Variants in PXDNL observed in about 807,000 individuals in gnomAD.
PXDNL encodes peroxidasin like.
In PXDNL, 145 loss-of-function variants were observed where a neutral mutation model predicts 150.8. The ratio of observed to expected loss-of-function variants is 0.96; its 90% CI spans 0.84 to 1.10. PXDNL has a LOEUF of 1.10. Among genes scored for constraint, PXDNL ranks in the 50% least tolerant of loss-of-function variants. The pLI is 0.00. For missense variants in PXDNL, 2,087 were observed against 1,873.9 expected (o/e 1.11, Z -2.10); for synonymous variants, 757 against 725.7 (o/e 1.04, Z -0.69).
rs71237237 is a variant in PXDNL at position 51,760,845 on chromosome 8, CTTTTTTTTTTTTTTTTT to C, written c.164+48319_164+48335del. ...GTTAGCCTGAAGGAAATCACTTAAA[CTTTTTTTTTTTTTTTTT>C]TTTTTTTTTTTTTTGAGACGGAGTC... On this transcript the variant is annotated intron_variant, in intron 1 of 22. Coordinates refer to ENST00000356297, the MANE Select transcript of PXDNL (RefSeq NM_144651.5). Among the ~76,000 whole-genome samples the C allele has an allele frequency of 3.7e-4, 17 of 45,492 alleles. No homozygotes were observed. In the South Asian group the frequency reaches 0.012, roughly 31 times the overall value. The allele number at this position is 45,492 out of a possible 152,430, so 29.8% of individuals were successfully genotyped here.
At chr8:51,717,719 G>A (rs1375657606) in intron 1 of PXDNL, among the ~76,000 whole-genome samples, 1 of 152,254 alleles carries the variant, frequency 6.6e-6, no homozygotes, top group Non-Finnish European at 1.5e-5. Flanking sequence ...GTGCCCATGA[G>A]TGGGGCCAGG....
intron 21 of PXDNL, among the ~76,000 whole-genome samples, chr8:51,328,855 T>A (rs1805595005): frequency 6.6e-6 from 1 of 152,084 alleles, no homozygotes; most frequent in Admixed American, 6.5e-5. Flanking sequence ...ATATCCTTCA[T>A]GAAAAACACC....
chr8:51,330,139 T>A (rs1354646577), intron 21 of PXDNL, among the ~76,000 whole-genome samples: 2 of 152,194 alleles, frequency 1.3e-5, no homozygotes, highest in African/African-American at 4.8e-5. Context: ...CTGCTTTTCT[T>A]AGTCCACCAA....
intron 1 of PXDNL, among the ~76,000 whole-genome samples, chr8:51,784,547 T>C (rs527396864): frequency 1.3e-5 from 2 of 152,326 alleles, no homozygotes; most frequent in South Asian, 4.1e-4. Context: ...GTCAGATATT[T>C]GAGTTGATGT....
chr8:51,702,854 G>A lies in PXDNL; in HGVS notation c.165-48094C>T, dbSNP rs373803239. On this transcript the variant is annotated intron_variant, in intron 1 of 22. Coordinates refer to ENST00000356297, the MANE Select transcript of PXDNL (RefSeq NM_144651.5). The stretch of plus-strand genomic sequence containing the variant: ...AATCAATCCAGAAATATATTGAAAC[G>A]CAGAAACAAAAGAAAACTTCCGGGG... Among the ~76,000 whole-genome samples the A allele has an allele frequency of 3.9e-4, 60 of 152,126 alleles. 1 individual carries two copies. In the East Asian group the frequency reaches 9.1e-3, roughly 23 times the overall value.
chr8:51,454,261 T>A (rs1809877948), intron 9 of PXDNL, among the ~76,000 whole-genome samples: 1 of 152,178 alleles, frequency 6.6e-6, no homozygotes, highest in African/African-American at 2.4e-5. Context: ...AGGTGAAAAT[T>A]ATGAGGAATA....
chr8:51,369,533 T>G (rs146020510), intron 19 of PXDNL, among the ~76,000 whole-genome samples: 32 of 152,204 alleles, frequency 2.1e-4, no homozygotes, highest in Non-Finnish European at 3.7e-4. Flanking sequence ...AATACACATG[T>G]ATCCATTTGT....
At chr8:51,626,465 C>A (rs1477768698) in intron 2 of PXDNL, among the ~76,000 whole-genome samples, 1 of 152,070 alleles carries the variant, frequency 6.6e-6, no homozygotes, top group East Asian at 1.9e-4. Context: ...TTGCAGAGGG[C>A]CCCTTCTTTC....
intron 17 of PXDNL, among the ~76,000 whole-genome samples, chr8:51,381,492 T>TTA (rs1186243680): frequency 6.6e-6 from 1 of 152,180 alleles, no homozygotes; most frequent in East Asian, 1.9e-4. Context: ...TGAAAAGATA[T>TTA]TAACATGGGG....
At chr8:51,764,786 C>A (rs1484310369) in intron 1 of PXDNL, among the ~76,000 whole-genome samples, 1 of 152,138 alleles carries the variant, frequency 6.6e-6, no homozygotes, top group Non-Finnish European at 1.5e-5. Context: ...CCTGCTGTAG[C>A]TGAATGGTGC....
intron 17 of PXDNL, among the ~76,000 whole-genome samples, chr8:51,376,987 G>A (rs2977004): frequency 0.7 from 106,690 of 151,820 alleles, 40,574 homozygotes; most frequent in East Asian, 0.95. Context: ...CAAAGTGCTG[G>A]GTTACAGGCG....
chr8:51,594,285 A>G (rs1186897833), intron 2 of PXDNL, among the ~76,000 whole-genome samples: 1 of 151,984 alleles, frequency 6.6e-6, no homozygotes, highest in African/African-American at 2.4e-5. Flanking sequence ...CCTCATATTA[A>G]TCACAGATCA....
At chr8:51,629,105 T>TA (rs1210058707) in intron 2 of PXDNL, among the ~76,000 whole-genome samples, 2 of 151,876 alleles carry the variant, frequency 1.3e-5, no homozygotes, top group South Asian at 2.1e-4. Context: ...AAATATGCTT[T>TA]AAAAAAAGCC....
chr8:51,527,456 G>A (rs182046240), intron 4 of PXDNL, among the ~76,000 whole-genome samples: 3 of 152,174 alleles, frequency 2.0e-5, no homozygotes, highest in Non-Finnish European at 4.4e-5. Context: ...GACAAGGAGA[G>A]CAAACAGGTT....
chr8:51,591,856 G>C (rs1377353472), intron 3 of PXDNL, among the ~76,000 whole-genome samples: 1 of 152,186 alleles, frequency 6.6e-6, no homozygotes, highest in African/African-American at 2.4e-5. Flanking sequence ...CTGACCTCGT[G>C]ATCCGCCCGC....
intron 4 of PXDNL, among the ~76,000 whole-genome samples, chr8:51,537,076 A>G (rs1377275407): frequency 1.3e-5 from 2 of 152,214 alleles, no homozygotes; most frequent in Non-Finnish European, 2.9e-5. Flanking sequence ...GCAAACATAA[A>G]TCCCAGATAA....
At chr8:51,394,373 G>C (rs948090021) in intron 17 of PXDNL, among the ~76,000 whole-genome samples, 29 of 152,072 alleles carry the variant, frequency 1.9e-4, no homozygotes, top group Admixed American at 2.0e-4. Context: ...TCCATTTGGG[G>C]ACTTTTTTGA....
At chr8:51,695,973 G>A (rs1486833001) in intron 1 of PXDNL, among the ~76,000 whole-genome samples, 1 of 152,180 alleles carries the variant, frequency 6.6e-6, no homozygotes, top group Admixed American at 6.5e-5. Context: ...ATTTAGAGGT[G>A]AATAAAATTT....
At chr8:51,702,874 C>T (rs960544372) in intron 1 of PXDNL, among the ~76,000 whole-genome samples, 2 of 152,110 alleles carry the variant, frequency 1.3e-5, no homozygotes, top group Admixed American at 6.6e-5. Flanking sequence ...AAGAAAACTT[C>T]CGGGGTCTGT....
Sources: gnomAD v4.1 joint callset for allele counts (sites outside exome capture counted in the v4.1 genomes callset) on GRCh38, gnomAD v4.1.1 for gene constraint, MANE v1.5 for transcripts, NCBI Gene and HGNC (gene_info 2026-07-23, HGNC 2026-07-21) for gene names.